Variants in CTNNA3 observed in about 807,000 individuals in gnomAD.
The protein encoded by CTNNA3 is catenin alpha 3, also known as catenin alpha-3.
A neutral mutation model predicts 95.7 loss-of-function variants in CTNNA3; 76 were observed. The ratio of observed to expected loss-of-function variants is 0.79; its 90% confidence interval spans 0.66 to 0.96. The LOEUF (loss-of-function observed/expected upper bound fraction) is 0.96, where lower values mean the gene tolerates loss of function less well. Ranked by LOEUF, CTNNA3 falls within the 40% of genes least tolerant of loss-of-function variation. The pLI is 0.00. For synonymous variants in CTNNA3, 431 were observed against 374.4 expected (o/e 1.15, Z -1.74); for missense variants, 1,191 against 1,089.8 (o/e 1.09, Z -1.31).
intron 5 of CTNNA3, among the ~76,000 whole-genome samples, chr10:67,338,568 G>GA (rs960439678): frequency 8.0e-5 from 12 of 150,558 alleles, no homozygotes; most frequent in Admixed American, 3.3e-4. Flanking sequence ...GAAAATAACA[G>GA]AAAAAAAAAT....
intron 10 of CTNNA3, among the ~76,000 whole-genome samples, chr10:66,602,989 G>A (rs1843986398): frequency 6.6e-6 from 1 of 151,952 alleles, no homozygotes; most frequent in South Asian, 2.1e-4. Context: ...AGCAATCATA[G>A]TGAATGGGGA....
intron 10 of CTNNA3, among the ~76,000 whole-genome samples, chr10:66,592,663 G>A (rs921061893): frequency 3.3e-5 from 5 of 152,132 alleles, no homozygotes; most frequent in Admixed American, 3.3e-4. Flanking sequence ...AAAGATGAAG[G>A]GATGGATATA....
chr10:67,224,552 CG>C lies in CTNNA3; in HGVS notation c.580-4683del, dbSNP rs535015357. On this transcript the variant is annotated intron_variant, in intron 5 of 17. Coordinates refer to ENST00000433211, the MANE Select transcript of CTNNA3 (RefSeq NM_013266.4). ...ACAAATACTGTGAGTGCCCCAACTG[CG>C]GAAGTGGGAAAGGGAGAGCCTCCTC... Among the ~76,000 whole-genome samples the C allele has an allele frequency of 1.8e-4, 28 of 152,288 alleles. No individual in the cohort carries two copies. In the East Asian group the frequency reaches 5.0e-3, roughly 27 times the overall value.
At chr10:66,833,158 C>A (rs530812584) in intron 7 of CTNNA3, among the ~76,000 whole-genome samples, 1 of 152,230 alleles carries the variant, frequency 6.6e-6, no homozygotes, top group East Asian at 1.9e-4. Flanking sequence ...CTAGGTAGTC[C>A]TCTGAGGTCT....
At chr10:66,543,119 T>G (rs1189911820) in intron 10 of CTNNA3, among the ~76,000 whole-genome samples, 1 of 152,138 alleles carries the variant, frequency 6.6e-6, no homozygotes, top group African/African-American at 2.4e-5. Flanking sequence ...TGTTTTTTCT[T>G]GCTGTGCTGC....
chr10:66,542,852 C>G (rs901189710), intron 10 of CTNNA3, among the ~76,000 whole-genome samples: 2 of 151,564 alleles, frequency 1.3e-5, no homozygotes, highest in Non-Finnish European at 2.9e-5. Flanking sequence ...CAAGCCTGCA[C>G]GTTGTGCACA....
chr10:66,046,406 C>A (rs185028972), intron 15 of CTNNA3, among the ~76,000 whole-genome samples: 1 of 152,132 alleles, frequency 6.6e-6, no homozygotes, highest in Non-Finnish European at 1.5e-5. Flanking sequence ...GCAGGTCCAG[C>A]AAAGTGGGAG....
intron 1 of CTNNA3, among the ~76,000 whole-genome samples, chr10:67,655,739 G>T (rs1050584033): frequency 3.6e-4 from 53 of 147,132 alleles, no homozygotes; most frequent in African/African-American, 1.3e-3. Context: ...AGGCTGCAGT[G>T]AGCCAAGATT....
chr10:66,217,812 G>T (rs576097218), intron 13 of CTNNA3, among the ~76,000 whole-genome samples: 5 of 152,236 alleles, frequency 3.3e-5, no homozygotes, highest in African/African-American at 1.2e-4. Context: ...GATGGCTGTG[G>T]TAGGGATAGA....
chr10:67,136,559 GGAGA>G (rs891755717), intron 7 of CTNNA3, among the ~76,000 whole-genome samples: 1 of 151,650 alleles, frequency 6.6e-6, no homozygotes, highest in Non-Finnish European at 1.5e-5. Context: ...AAAGAGAGAA[GGAGA>G]GAGAGAGAGA....
At chr10:66,326,675 G>T (rs2092258372) in intron 12 of CTNNA3, among the ~76,000 whole-genome samples, 1 of 151,964 alleles carries the variant, frequency 6.6e-6, no homozygotes, top group African/African-American at 2.4e-5. Context: ...CATATTAATA[G>T]ATGTACATTA....
At chr10:66,466,121 A>C (rs1219708347) in intron 11 of CTNNA3, among the ~76,000 whole-genome samples, 1 of 152,058 alleles carries the variant, frequency 6.6e-6, no homozygotes. Flanking sequence ...AAGGCTCTAG[A>C]AAAATGACTG....
intron 11 of CTNNA3, among the ~76,000 whole-genome samples, chr10:66,481,778 A>G (rs1014623974): frequency 6.6e-6 from 1 of 152,088 alleles, no homozygotes; most frequent in Non-Finnish European, 1.5e-5. Flanking sequence ...TTCTTGCATT[A>G]AAATATCAAA....
chr10:67,754,635 T>C (rs1424023777), intron 1 of CTNNA3, among the ~76,000 whole-genome samples: 1 of 152,150 alleles, frequency 6.6e-6, no homozygotes, highest in Non-Finnish European at 1.5e-5. Flanking sequence ...GGGCAAGATT[T>C]TCTGTGTAAG....
intron 17 of CTNNA3, among the ~76,000 whole-genome samples, chr10:65,932,862 C>T (rs755500104): frequency 6.6e-6 from 1 of 152,140 alleles, no homozygotes; most frequent in Non-Finnish European, 1.5e-5. Context: ...CCCAGCTTCT[C>T]TTGTCCTCCA....
At chr10:66,452,815 G>A (rs2093472978) in intron 11 of CTNNA3, among the ~76,000 whole-genome samples, 1 of 152,016 alleles carries the variant, frequency 6.6e-6, no homozygotes, top group South Asian at 2.1e-4. Context: ...CCCAGGAACT[G>A]ACTCCATGCA....
chr10:67,633,579 G>A (rs375686655), intron 2 of CTNNA3, among the ~76,000 whole-genome samples: 1 of 152,116 alleles, frequency 6.6e-6, no homozygotes, highest in Non-Finnish European at 1.5e-5. Context: ...GATACTTCCA[G>A]GTAAGGAAAA....
intron 1 of CTNNA3, among the ~76,000 whole-genome samples, chr10:67,739,536 A>G (rs954653912): frequency 3.3e-5 from 5 of 152,018 alleles, no homozygotes; most frequent in Non-Finnish European, 7.4e-5. Context: ...GAGCCAAATC[A>G]TGAGTGAACT....
At chr10:66,900,022 C>G (rs1845669923) in intron 7 of CTNNA3, among the ~76,000 whole-genome samples, 1 of 152,162 alleles carries the variant, frequency 6.6e-6, no homozygotes, top group African/African-American at 2.4e-5. Context: ...TGTTTGAGCT[C>G]TGAGAACAAA....
Sources: gnomAD v4.1 joint callset for allele counts (sites outside exome capture counted in the v4.1 genomes callset) on GRCh38, gnomAD v4.1.1 for gene constraint, MANE v1.5 for transcripts, NCBI Gene and HGNC (gene_info 2026-07-23, HGNC 2026-07-21) for gene names.